Variants in ANK2 observed in about 807,000 individuals in gnomAD.
ANK2 encodes ankyrin 2, also known as ankyrin-2.
In ANK2, 83 loss-of-function variants were observed where a neutral mutation model predicts 360.5. That is an observed-to-expected ratio of 0.23 (90% confidence interval 0.19 to 0.28). The LOEUF (loss-of-function observed/expected upper bound fraction) is 0.28. ANK2 is among the 10% of genes least tolerant of loss of function. ANK2 has a pLI of 1.00. For synonymous variants in ANK2, 1,740 were observed against 1,759.5 expected, an observed-to-expected ratio of 0.99 and a Z score of 0.28; for missense variants, 4,201 against 4,795.7, an observed-to-expected ratio of 0.88 and a Z score of 3.66.
chr4:112,772,809 T>G, the ANK2 span, among the ~76,000 whole-genome samples: 1 of 152,156 alleles, frequency 6.6e-6, no homozygotes, highest in East Asian at 1.9e-4. Context: ...GCAGTTGCTT[T>G]CTTCTTCTGC....
intron 1 of ANK2, 53 bp from the exon 2 acceptor site, chr4:113,174,363 A>C: frequency 7.0e-7 from 1 of 1,422,778 alleles, no homozygotes; most frequent in African/African-American, 1.4e-5. Context: ...TCTGTATTGG[A>C]TACATTTCTA....
At chr4:113,107,160 T>C (rs183297995) in intron 1 of ANK2, among the ~76,000 whole-genome samples, 55 of 152,300 alleles carry the variant, frequency 3.6e-4, no homozygotes, top group Admixed American at 6.5e-4. Context: ...AAATACTTTC[T>C]CAAGCACACA....
rs544706075 is a variant in ANK2 at position 112,899,586 on chromosome 4, A to G, written c.-39-4869A>G. Among the ~76,000 whole-genome samples, 354 of 152,342 alleles carry G rather than the reference A, an allele frequency of 2.3e-3. 1 individual carries two copies. The highest frequency in any genetic ancestry group is 6.8e-3 in the Middle Eastern group (2 of 294). On this transcript the variant is annotated intron_variant, in intron 1 of 30. Coordinates refer to the ANK2 transcript ENST00000503271. ...ATTTTATGAATAGTAGAAATAAGTT[A>G]TAAGTAGTATGAGAATTATATTACT...
chr4:113,381,494 G>A lies in ANK2; in HGVS notation c.*23G>A. 2 of 1,614,122 alleles carry A rather than the reference G, an allele frequency of 1.2e-6. No individual in the cohort carries two copies. Among genetic ancestry groups the A allele is most frequent in the Non-Finnish European group, 1.7e-6 (2 of 1,180,002 alleles). The stretch of plus-strand genomic sequence containing the variant: ...TAAAGCCATCACACAGAAGAGGGCT[G>A]TGGTGAAGGACCAGCATGGAAAACG... On this transcript the variant is annotated 3_prime_UTR_variant, in exon 46 of 46. Coordinates refer to ENST00000357077, the MANE Select transcript of ANK2 (RefSeq NM_001148.6).
At chr4:112,908,093 C>T (rs776655905) in intron 2 of ANK2, among the ~76,000 whole-genome samples, 2 of 152,042 alleles carry the variant, frequency 1.3e-5, no homozygotes, top group African/African-American at 2.4e-5. Context: ...TTCAAGAAAA[C>T]CATACTTTTA....
rs1347275463 is a variant in ANK2 at position 113,354,314 on chromosome 4, A to G, written c.5696A>G (p.Glu1899Gly). 1 of 1,614,154 alleles carries G rather than the reference A, an allele frequency of 6.2e-7. No homozygotes were observed. Among genetic ancestry groups the G allele is most frequent in the Admixed American group, 1.7e-5 (1 of 60,022 alleles). ...RHSPVSSTKTERHPPVSPSGK... is the reference protein window; with the variant it reads ...RHSPVSSTKTGRHPPVSPSGK... Reference sequence around the variant, plus strand: ...TCTCCTGTGTCATCTACAAAAACAGAAAGACACCCACCTGTTTCGCCTTCA... The same window carrying G: ...TCTCCTGTGTCATCTACAAAAACAGGAAGACACCCACCTGTTTCGCCTTCA... The change falls in exon 38 of 46, where the codon GAA (glutamate) becomes GGA (glycine). Residue 1899 changes from glutamate (E) to glycine (G), a missense_variant. Physicochemically the swap from Glu to Gly is moderately conservative, Grantham distance 98 (BLOSUM62 -2). This residue lies in a region of ANK2 where 2,642 missense variants were observed against 2,714.5 expected (regional missense o/e 0.97). Coordinates refer to ENST00000357077, the MANE Select transcript of ANK2 (RefSeq NM_001148.6).
At chr4:112,904,400 T>C in intron 1 of ANK2, 1 of 1,035,546 alleles carries the variant, frequency 9.7e-7, no homozygotes, top group Non-Finnish European at 1.4e-6. Context: ...CTGTTCTTAA[T>C]GATAAATTGA....
chr4:112,830,012 G>C (rs952095673), intron 1 of ANK2, among the ~76,000 whole-genome samples: 2 of 151,984 alleles, frequency 1.3e-5, no homozygotes, highest in South Asian at 4.2e-4. Flanking sequence ...AGATGCTGGC[G>C]AGGTTGCGGA....
Position 113,302,703 on chromosome 4 carries a change from A to T in ANK2, c.2476-64A>T, listed in dbSNP as rs75135212. ...GCTGTTGAGTGTGGCCTCCTATGTG[A>T]TGCTTTTCATCTTTTGTTTACTTTT... On this transcript the variant is annotated intron_variant, in intron 22 of 45. Transcript: ENST00000357077. 4.5e-4 allele frequency: 605 copies of T among 1,342,702 alleles called. 1 individual carries two copies. The African/African-American group carries it at 6.9e-3, about 15-fold the overall frequency. The allele number at this position is 1,342,702 out of a possible 1,614,324, so 83.2% of individuals were successfully genotyped here. A position where few individuals can be genotyped will look rare whatever the true frequency, so the allele number is the denominator to read the frequency against.
At chr4:113,368,819 A>G (rs1288884002) in intron 42 of ANK2, among the ~76,000 whole-genome samples, 1 of 152,204 alleles carries the variant, frequency 6.6e-6, no homozygotes, top group Non-Finnish European at 1.5e-5. Context: ...GAGAAGGACC[A>G]AGGAAAAGAT....
chr4:112,991,336 T>C (rs1256762799), intron 2 of ANK2, among the ~76,000 whole-genome samples: 2 of 152,046 alleles, frequency 1.3e-5, no homozygotes, highest in Non-Finnish European at 2.9e-5. Context: ...TTCATGTCTG[T>C]ATTTGGGGTG....
chr4:112,942,048 TCTTTTGTTTC>T (rs1304074429), intron 2 of ANK2, among the ~76,000 whole-genome samples: 5 of 152,110 alleles, frequency 3.3e-5, no homozygotes, highest in Non-Finnish European at 7.4e-5. Flanking sequence ...AAACTTGTTT[TCTTTTGTTTC>T]CTTATTTTCC....
chr4:113,075,345 A>G (rs1367351759), intron 1 of ANK2, among the ~76,000 whole-genome samples: 1 of 152,202 alleles, frequency 6.6e-6, no homozygotes, highest in Non-Finnish European at 1.5e-5. Flanking sequence ...CTTATGTGTG[A>G]TTAATACATC....
chr4:113,088,447 G>A (rs1379780733), intron 1 of ANK2, among the ~76,000 whole-genome samples: 3 of 152,132 alleles, frequency 2.0e-5, no homozygotes, highest in African/African-American at 4.8e-5. Context: ...TAAAGTGGAA[G>A]CGTTTACCTA....
At chr4:113,278,626 T>C in intron 17 of ANK2, 68 bp downstream of exon 17, 1 of 1,470,932 alleles carries the variant, frequency 6.8e-7, no homozygotes, top group Non-Finnish European at 9.5e-7. Flanking sequence ...ATGAGAATTG[T>C]CTTTTAAACA....
At chr4:113,137,110 A>C (rs914838371) in intron 1 of ANK2, among the ~76,000 whole-genome samples, 6 of 152,252 alleles carry the variant, frequency 3.9e-5, no homozygotes, top group African/African-American at 1.4e-4. Context: ...CTGGGATTAC[A>C]TGTGTGAGCC....
intron 1 of ANK2, among the ~76,000 whole-genome samples, chr4:112,835,723 T>C (rs1193530547): frequency 1.3e-5 from 2 of 152,204 alleles, no homozygotes; most frequent in African/African-American, 4.8e-5. Context: ...ACTATCAAAA[T>C]GCTTGGTAAA....
chr4:113,157,456 G>A (rs13101312), intron 1 of ANK2, among the ~76,000 whole-genome samples: 104,199 of 152,150 alleles, frequency 0.68, 36,250 homozygotes, highest in African/African-American at 0.8. Flanking sequence ...ATATTGCTCT[G>A]GATTCACTTA....
intron 2 of ANK2, among the ~76,000 whole-genome samples, chr4:112,974,622 A>G (rs965379177): frequency 1.3e-5 from 2 of 152,240 alleles, no homozygotes; most frequent in Admixed American, 6.5e-5. Flanking sequence ...AGTGCTTTCT[A>G]TGCATCAGGA....
Sources: allele counts gnomAD v4.1 joint callset (sites outside exome capture counted in the v4.1 genomes callset), GRCh38; gene constraint gnomAD v4.1.1; regional missense constraint gnomAD v4.1.1; transcripts MANE v1.5; gene names NCBI Gene and HGNC (gene_info 2026-07-23, HGNC 2026-07-21).